The following GOLGA5 variants were observed in gnomAD, a reference collection of about 807,000 sequenced individuals.
GOLGA5 encodes the protein golgin A5.
GOLGA5 carries 50 observed loss-of-function variants against 93.5 expected under a neutral mutation model. That is an observed-to-expected ratio of 0.53 (90% CI 0.43 to 0.68). The LOEUF is 0.68. Ranked by LOEUF, GOLGA5 falls within the 30% of genes least tolerant of loss-of-function variation. The pLI is 0.00. For synonymous variants in GOLGA5, 312 were observed against 304.5 expected, an observed-to-expected ratio of 1.02 and a Z score of -0.26; for missense variants, 760 against 856.4, an observed-to-expected ratio of 0.89 and a Z score of 1.40.
At chr14:92,804,326 A>C (rs1250743742) in intron 2 of GOLGA5, among the ~76,000 whole-genome samples, 5 of 151,988 alleles carry the variant, frequency 3.3e-5, no homozygotes, top group Non-Finnish European at 7.4e-5. Context: ...TCGGCCTCCC[A>C]AAGTGCTGGG....
intron 1 of GOLGA5, among the ~76,000 whole-genome samples, chr14:92,797,091 TAAA>T (rs1360500769): frequency 4.0e-5 from 6 of 150,100 alleles, no homozygotes; most frequent in Non-Finnish European, 8.9e-5. Flanking sequence ...GAAATAATAA[TAAA>T]AACAGTAGTG....
At chr14:92,810,175 T>G (rs1885074246) in intron 4 of GOLGA5, 79 bp from the exon 5 acceptor site, 11 of 969,586 alleles carry the variant, frequency 1.1e-5, no homozygotes. Context: ...TGACTAAAGC[T>G]GACGCTCTAA....
At chr14:92,836,646 A>G (rs1045855270) in intron 11 of GOLGA5, among the ~76,000 whole-genome samples, 3 of 152,174 alleles carry the variant, frequency 2.0e-5, no homozygotes, top group Non-Finnish European at 2.9e-5. Context: ...ACCTTTTAGA[A>G]GCATGTATCT....
chr14:92,820,826 G>C (rs1885304212), intron 8 of GOLGA5, among the ~76,000 whole-genome samples: 1 of 152,186 alleles, frequency 6.6e-6, no homozygotes, highest in Non-Finnish European at 1.5e-5. Context: ...TACAACACAT[G>C]TTTTTGTGAG....
chr14:92,798,989 C>T (rs1164059138), intron 2 of GOLGA5, among the ~76,000 whole-genome samples: 3 of 152,132 alleles, frequency 2.0e-5, no homozygotes, highest in Non-Finnish European at 4.4e-5. Context: ...TGTTTTGAGA[C>T]AGGGTCTTGC....
chr14:92,810,950 G>A (rs1160820968), intron 5 of GOLGA5, among the ~76,000 whole-genome samples: 2 of 152,178 alleles, frequency 1.3e-5, no homozygotes, highest in South Asian at 4.1e-4. Context: ...GAGCAGTCAG[G>A]GTTGCAAACC....
At chr14:92,836,184 CA>C (rs982033211) in intron 11 of GOLGA5, among the ~76,000 whole-genome samples, 22 of 152,080 alleles carry the variant, frequency 1.4e-4, no homozygotes, top group African/African-American at 4.3e-4. Flanking sequence ...TCTGCCTTAT[CA>C]AAAAAATATT....
chr14:92,825,115 C>G (rs1885390725), intron 9 of GOLGA5, among the ~76,000 whole-genome samples: 1 of 152,100 alleles, frequency 6.6e-6, no homozygotes, highest in Admixed American at 6.5e-5. Flanking sequence ...AAGCCTTTAT[C>G]ATTAGCTGAT....
At chr14:92,825,141 C>G (rs1885391192) in intron 9 of GOLGA5, among the ~76,000 whole-genome samples, 1 of 152,084 alleles carries the variant, frequency 6.6e-6, no homozygotes, top group South Asian at 2.1e-4. Flanking sequence ...CACACGTTCA[C>G]ATTCCCTGTA....
chr14:92,804,490 C>T (rs988412783), intron 2 of GOLGA5, among the ~76,000 whole-genome samples: 1 of 152,062 alleles, frequency 6.6e-6, no homozygotes, highest in African/African-American at 2.4e-5. Context: ...TTATACCCTC[C>T]CATTTCCCAT....
In GOLGA5 at chr14:92,802,935, C is replaced by T. The variant is rs138136848; in HGVS notation, c.545-3801C>T. On this transcript the variant is annotated intron_variant, in intron 2 of 12. Transcript: ENST00000163416. ...CACACCACTGCACCTAGCTCCAGCT[C>T]CAGTTGATACTTTTAAATATAAAAC... is the stretch of plus-strand genomic sequence containing the variant. Among the ~76,000 whole-genome samples, 1,134 of 152,086 alleles carry T rather than the reference C, an allele frequency of 7.5e-3. 14 individuals carry two copies. Among genetic ancestry groups the T allele is most frequent in the African/African-American group, 0.025 (1,044 of 41,514 alleles).
intron 1 of GOLGA5, among the ~76,000 whole-genome samples, chr14:92,796,216 AAAAC>A (rs1272915334): frequency 6.6e-6 from 1 of 152,244 alleles, no homozygotes; most frequent in African/African-American, 2.4e-5. Context: ...TTAGCACTTT[AAAAC>A]AAACTTCAGT....
intron 10 of GOLGA5, among the ~76,000 whole-genome samples, chr14:92,834,158 G>T: frequency 6.8e-6 from 1 of 147,762 alleles, no homozygotes. Context: ...TTTTTTTAAG[G>T]GTTTTCAGTT....
intron 1 of GOLGA5, among the ~76,000 whole-genome samples, chr14:92,795,703 C>G (rs957879173): frequency 7.0e-6 from 1 of 143,394 alleles, no homozygotes; most frequent in Non-Finnish European, 1.5e-5. Flanking sequence ...GCCACTGCCC[C>G]ACTTTCCCCA....
intron 11 of GOLGA5, among the ~76,000 whole-genome samples, chr14:92,836,932 T>C (rs577625387): frequency 3.4e-4 from 52 of 151,944 alleles, no homozygotes; most frequent in Non-Finnish European, 5.4e-4. Flanking sequence ...CCAGGCGTGG[T>C]GGTAGTGGCG....
At chr14:92,803,810 C>T (rs977222897) in intron 2 of GOLGA5, among the ~76,000 whole-genome samples, 3 of 152,086 alleles carry the variant, frequency 2.0e-5, no homozygotes, top group Non-Finnish European at 4.4e-5. Flanking sequence ...GAATCCTTAC[C>T]CTGTTTCTGG....
At chr14:92,808,735 T>C (rs897268400) in intron 3 of GOLGA5, among the ~76,000 whole-genome samples, 7 of 151,174 alleles carry the variant, frequency 4.6e-5, no homozygotes, top group Non-Finnish European at 8.8e-5. Context: ...CCTATAAAGT[T>C]TGATTCAGTA....
In GOLGA5 at chr14:92,819,791, A is replaced by G. The variant is rs747233289; in HGVS notation, c.1575A>G (p.Lys525=). 6.2e-7 allele frequency: 1 copy of G among 1,614,110 alleles called. No homozygotes were observed. The highest frequency in any genetic ancestry group is 8.5e-7 in the Non-Finnish European group (1 of 1,179,930). The change falls in exon 8 of 13, where the codon AAA becomes AAG. Residue 525 remains lysine (K), a synonymous_variant. Transcript: ENST00000163416. ...QDLHDQIAGQ[K]ASKQELETEL... is the part of the protein sequence containing the mutation. ...TGCATGACCAAATAGCTGGGCAGAA[A>G]GCATCCAAACAAGAACTAGAGACAG...
At chr14:92,836,520 A>G (rs975865299) in intron 11 of GOLGA5, among the ~76,000 whole-genome samples, 1 of 152,164 alleles carries the variant, frequency 6.6e-6, no homozygotes, top group Non-Finnish European at 1.5e-5. Flanking sequence ...AGAAAGGGGT[A>G]TTGCTTCTGC....
Sources: gnomAD v4.1 joint callset for allele counts (sites outside exome capture counted in the v4.1 genomes callset) on GRCh38, gnomAD v4.1.1 for gene constraint, MANE v1.5 for transcripts, NCBI Gene and HGNC (gene_info 2026-07-23, HGNC 2026-07-21) for gene names.